CTXN2: variants seen among roughly 807,000 people sequenced by gnomAD.
CTXN2 encodes the protein cortexin-2.
Under a neutral mutation model 5.7 loss-of-function variants are expected in CTXN2, and 3 were observed. The observed-to-expected ratio is 0.53, with a 90% confidence interval of 0.24 to 1.36. CTXN2 has a LOEUF of 1.36. Ranked by LOEUF, CTXN2 falls within the 40% of genes most tolerant of loss-of-function variation. The probability of loss-of-function intolerance (pLI) is 0.17; values close to 1 mark genes in which losing one functional copy is unlikely to be tolerated. For synonymous variants in CTXN2, 38 were observed against 36.4 expected (o/e 1.04, Z -0.16); for missense variants, 87 against 93.0 (o/e 0.94, Z 0.26).
rs1194693960 is a variant in CTXN2, at chr15:48,198,720, C to T, written c.-57-2524C>T. ...TAGTAGGTTTTAAGAAAAATAAGAG[C>T]GTAGTGGATTAATCACTGGTTAAGA... On this transcript the variant is annotated intron_variant, in intron 1 of 1. Transcript: ENST00000417307. Among the ~76,000 whole-genome samples the T allele has an allele frequency of 5.3e-5, 8 of 152,230 alleles. No individual in the cohort carries two copies. The South Asian group carries it at 6.2e-4, about 12-fold the overall frequency.
upstream of CTXN2, among the ~76,000 whole-genome samples, chr15:48,190,550 T>C (rs530087518): frequency 5.3e-5 from 8 of 152,232 alleles, no homozygotes; most frequent in African/African-American, 1.7e-4. Context: ...TAAATAATCA[T>C]GAAGTTTGTC....
chr15:48,181,193 A>G (rs893984393), intron 1 of CTXN2, among the ~76,000 whole-genome samples: 3 of 152,228 alleles, frequency 2.0e-5, no homozygotes, highest in African/African-American at 7.2e-5. Flanking sequence ...TTACTCTCTT[A>G]AGTAAAATAA....
upstream of CTXN2, chr15:48,190,010 T>C (rs572139207): frequency 2.6e-5 from 4 of 152,398 alleles, no homozygotes; most frequent in South Asian, 2.1e-4. Context: ...GGTTTCGCCA[T>C]GTTGGTCAGG....
Position 48,203,713 on chromosome 15 carries a change from T to A in CTXN2, c.*2167T>A, listed in dbSNP as rs2040945070. 3 of 166,886 alleles carry A rather than the reference T, an allele frequency of 1.8e-5. No individual in the cohort carries two copies. The allele number at this position is 166,886 out of a possible 1,614,324, so 10.3% of individuals were successfully genotyped here. On this transcript the variant is annotated 3_prime_UTR_variant, in exon 2 of 2. Coordinates refer to ENST00000417307, the MANE Select transcript of CTXN2 (RefSeq NM_001145668.2). ...CTTTTCAAGTATATTAACTCTACCA[T>A]AATATTATTTCCAAATCCACTAAAG... is the stretch of plus-strand genomic sequence containing the variant.
intron 1 of CTXN2, among the ~76,000 whole-genome samples, chr15:48,182,312 A>G (rs1034813512): frequency 1.3e-5 from 2 of 152,234 alleles, no homozygotes; most frequent in African/African-American, 4.8e-5. Context: ...CTCCACTTTT[A>G]CCTCAATTAT....
chr15:48,181,983 T>C (rs530866075), intron 1 of CTXN2, among the ~76,000 whole-genome samples: 5 of 152,318 alleles, frequency 3.3e-5, no homozygotes, highest in Admixed American at 3.3e-4. Context: ...TGTATTTCCC[T>C]TTTTATAGAA....
chr15:48,195,737 A>G (rs1253847478), intron 1 of CTXN2, among the ~76,000 whole-genome samples: 1 of 151,894 alleles, frequency 6.6e-6, no homozygotes, highest in Non-Finnish European at 1.5e-5. Context: ...TCCTTTTTGG[A>G]TCTTCTTTTT....
intron 1 of CTXN2, among the ~76,000 whole-genome samples, chr15:48,181,831 T>C (rs568909945): frequency 1.4e-4 from 22 of 152,144 alleles, no homozygotes; most frequent in Non-Finnish European, 2.8e-4. Flanking sequence ...AATTTTTAAG[T>C]CAATTTGCTT....
At chr15:48,178,514 T>C (rs1453053172) in intron 1 of CTXN2, 2 of 370,758 alleles carry the variant, frequency 5.4e-6, no homozygotes, top group African/African-American at 2.1e-5. Context: ...GCTGGACCAG[T>C]CCTGAAAGCC....
chr15:48,201,285 A>C lies in CTXN2; in HGVS notation c.-16A>C, dbSNP rs1434503948. On this transcript the variant is annotated 5_prime_UTR_variant, in exon 2 of 2. Coordinates refer to ENST00000417307, the MANE Select transcript of CTXN2 (RefSeq NM_001145668.2). ...AGAAGGAACTGTGAAGAGCCACAAC[A>C]ATGTGCCAGTGAATAATGAGTAGTA... 1 of 1,550,382 alleles carries C rather than the reference A, an allele frequency of 6.5e-7. No individual in the cohort carries two copies. Among genetic ancestry groups the C allele is most frequent in the Non-Finnish European group, 8.7e-7 (1 of 1,146,012 alleles).
chr15:48,200,701 G>A (rs2040921216), intron 1 of CTXN2, among the ~76,000 whole-genome samples: 1 of 151,826 alleles, frequency 6.6e-6, no homozygotes, highest in South Asian at 2.1e-4. Context: ...CAGTGGTAGT[G>A]AAGAAAAAAA....
intron 1 of CTXN2, among the ~76,000 whole-genome samples, chr15:48,180,187 A>G (rs1343659218): frequency 6.6e-6 from 1 of 152,180 alleles, no homozygotes; most frequent in Non-Finnish European, 1.5e-5. Context: ...TTGATTACTG[A>G]GTTTTAACTT....
In CTXN2 at chr15:48,203,101, C is replaced by T. The variant is rs2040941287; in HGVS notation, c.*1555C>T. ...AGAAACTGAAGCTAAGAGAAATTAA[C>T]TAGCTTCCCAAGGTCACCATAGCTA... On this transcript the variant is annotated 3_prime_UTR_variant, in exon 2 of 2. Transcript: ENST00000417307. 6.0e-6 allele frequency: 1 copy of T among 167,004 alleles called. No homozygotes were observed. Among genetic ancestry groups the T allele is most frequent in the Non-Finnish European group, 1.5e-5 (1 of 68,094 alleles). The allele number at this position is 167,004 out of a possible 1,614,324, so 10.3% of individuals were successfully genotyped here. A position where few individuals can be genotyped will look rare whatever the true frequency, so the allele number is the denominator to read the frequency against.
In CTXN2 at chr15:48,201,249, G is replaced by C; in HGVS notation, c.-52G>C. The C allele has an allele frequency of 6.5e-7, 1 of 1,541,214 alleles. No homozygotes were observed. The highest frequency in any genetic ancestry group is 1.7e-4 in the Middle Eastern group (1 of 5,914). ...GAGTCCAATTTTGTACCTAGGCAAA[G>C]AGTTGATTCCAGAAGGAACTGTGAA... On this transcript the variant is annotated 5_prime_UTR_variant, in exon 2 of 2. Transcript: ENST00000417307.
intron 1 of CTXN2, among the ~76,000 whole-genome samples, chr15:48,181,523 C>A (rs1004025551): frequency 1.3e-5 from 2 of 151,990 alleles, no homozygotes; most frequent in African/African-American, 2.4e-5. Context: ...GTTCTGTTAC[C>A]AATGAAGAAG....
At chr15:48,186,840 G>T (rs1295525851), upstream of CTXN2, among the ~76,000 whole-genome samples, 2 of 150,600 alleles carry the variant, frequency 1.3e-5, no homozygotes, top group African/African-American at 4.9e-5. Flanking sequence ...AACCCAGGAG[G>T]CAGAGGTTGC....
At chr15:48,200,192 A>T (rs1409583109) in intron 1 of CTXN2, among the ~76,000 whole-genome samples, 1 of 152,192 alleles carries the variant, frequency 6.6e-6, no homozygotes, top group Admixed American at 6.5e-5. Flanking sequence ...GCAACAATAA[A>T]AAAGAAAATA....
chr15:48,200,237 AG>A (rs1219256399), intron 1 of CTXN2, among the ~76,000 whole-genome samples: 1 of 152,168 alleles, frequency 6.6e-6, no homozygotes, highest in African/African-American at 2.4e-5. Flanking sequence ...TTGGATGAAA[AG>A]CTATTTGGTG....
Position 48,202,293 on chromosome 15 carries a change from T to C in CTXN2, c.*747T>C, listed in dbSNP as rs977871688. ...AAGCAGAAACAAAGACAGTCTCAGC[T>C]GTGCCACCAGTAGAGCTATGCTCTA... On this transcript the variant is annotated 3_prime_UTR_variant, in exon 2 of 2. Coordinates refer to ENST00000417307, the MANE Select transcript of CTXN2 (RefSeq NM_001145668.2). The C allele has an allele frequency of 6.0e-6, 1 of 167,128 alleles. No individual in the cohort carries two copies. Among genetic ancestry groups the C allele is most frequent in the Non-Finnish European group, 1.5e-5 (1 of 68,178 alleles). The allele number at this position is 167,128 out of a possible 1,614,324, so 10.4% of individuals were successfully genotyped here.
Sources: allele counts gnomAD v4.1 joint callset (sites outside exome capture counted in the v4.1 genomes callset), GRCh38; gene constraint gnomAD v4.1.1; transcripts MANE v1.5; gene names NCBI Gene and HGNC (gene_info 2026-07-23, HGNC 2026-07-21).